SIMC1: variants seen among roughly 807,000 people sequenced by gnomAD.
The protein encoded by SIMC1 is SUMO interacting motifs containing 1.
SIMC1 carries 55 observed loss-of-function variants against 82.3 expected under a neutral mutation model. That is an observed-to-expected ratio of 0.67 (90% CI 0.54 to 0.84). The LOEUF is 0.84. SIMC1 is among the 40% of genes least tolerant of loss of function. The pLI is 0.00. For missense variants in SIMC1, 915 were observed against 1,107.2 expected (o/e 0.83, Z 2.46); for synonymous variants, 353 against 426.3 (o/e 0.83, Z 2.12).
intron 7 of SIMC1, among the ~76,000 whole-genome samples, chr5:176,330,044 A>G (rs556266555): frequency 6.6e-6 from 1 of 151,972 alleles, no homozygotes; most frequent in Non-Finnish European, 1.5e-5. Context: ...AAGCAATTAT[A>G]TCTTAGTAGC....
chr5:176,248,648 A>G (rs561139830), intron 1 of SIMC1, among the ~76,000 whole-genome samples: 1 of 152,250 alleles, frequency 6.6e-6, no homozygotes, highest in South Asian at 2.1e-4. Flanking sequence ...ACTATGTTGA[A>G]TGGAGTGGTG....
intron 7 of SIMC1, among the ~76,000 whole-genome samples, chr5:176,328,855 T>C (rs2113386262): frequency 6.6e-6 from 1 of 152,278 alleles, no homozygotes; most frequent in East Asian, 1.9e-4. Context: ...ATCCTGTTGG[T>C]AATTAATCAA....
intron 4 of SIMC1, among the ~76,000 whole-genome samples, chr5:176,304,141 T>C (rs1764166831): frequency 6.6e-6 from 1 of 152,124 alleles, no homozygotes; most frequent in African/African-American, 2.4e-5. Context: ...AGGCAGCTTA[T>C]GGGATGGGAG....
At chr5:176,342,076 A>G (rs1480786862) in intron 9 of SIMC1, among the ~76,000 whole-genome samples, 1 of 152,186 alleles carries the variant, frequency 6.6e-6, no homozygotes, top group Non-Finnish European at 1.5e-5. Flanking sequence ...AATAAACTCC[A>G]CATTCTTCTT....
intron 8 of SIMC1, 25 bp downstream of exon 8, chr5:176,336,901 A>G: frequency 6.2e-7 from 1 of 1,613,480 alleles, no homozygotes; most frequent in Non-Finnish European, 8.5e-7. Flanking sequence ...GCCCAATTTC[A>G]GGCCTAGAGC....
Position 176,290,300 on chromosome 5 carries a change from C to G in SIMC1, c.776C>G (p.Pro259Arg). 1.2e-6 allele frequency: 2 copies of G among 1,613,774 alleles called. No individual in the cohort carries two copies. Among genetic ancestry groups the G allele is most frequent in the Non-Finnish European group, 1.7e-6 (2 of 1,179,878 alleles). ...TCACAAACCATGCAGTGCCAACTACCAGCTCTAACTCACCCACCTCAAGAA... is the reference window on the plus strand; with the variant it reads ...TCACAAACCATGCAGTGCCAACTACGAGCTCTAACTCACCCACCTCAAGAA... The part of the protein sequence containing the change: ...CPSQTMQCQL[P>R]ALTHPPQEVP... Residue 259 changes from proline to arginine, a missense_variant, in exon 2 of 10, where the codon CCA becomes CGA. Pro to Arg is a moderately radical substitution (Grantham distance 103). Transcript: ENST00000429602.
At chr5:176,338,358 G>A (rs1765993500) in intron 9 of SIMC1, among the ~76,000 whole-genome samples, 1 of 152,126 alleles carries the variant, frequency 6.6e-6, no homozygotes, top group Non-Finnish European at 1.5e-5. Flanking sequence ...GGAGACGAGA[G>A]TTTTCCAGAA....
At chr5:176,255,885 G>A (rs1761838458) in intron 1 of SIMC1, among the ~76,000 whole-genome samples, 1 of 152,056 alleles carries the variant, frequency 6.6e-6, no homozygotes, top group African/African-American at 2.4e-5. Flanking sequence ...AGTTACAGAA[G>A]ATGAAAAAGT....
At chr5:176,306,455 C>T (rs1764394287) in intron 4 of SIMC1, among the ~76,000 whole-genome samples, 1 of 135,910 alleles carries the variant, frequency 7.4e-6, no homozygotes. Context: ...ACAATGGCGG[C>T]TTTGTGGAAT....
intron 5 of SIMC1, among the ~76,000 whole-genome samples, chr5:176,320,801 C>T (rs1765127406): frequency 6.6e-6 from 1 of 152,018 alleles, no homozygotes; most frequent in African/African-American, 2.4e-5. Flanking sequence ...CTGCTGCTGG[C>T]TTAGGATTCA....
intron 9 of SIMC1, among the ~76,000 whole-genome samples, chr5:176,339,313 A>G (rs1561736722): frequency 6.6e-6 from 1 of 152,118 alleles, no homozygotes; most frequent in Non-Finnish European, 1.5e-5. Context: ...GCAGTGAGCC[A>G]AGATCGTACC....
At chr5:176,251,325 A>C (rs1452429057) in intron 1 of SIMC1, among the ~76,000 whole-genome samples, 3 of 152,176 alleles carry the variant, frequency 2.0e-5, no homozygotes, top group Non-Finnish European at 2.9e-5. Flanking sequence ...GTGCCACTGC[A>C]CTCCAGCCTG....
intron 5 of SIMC1, among the ~76,000 whole-genome samples, chr5:176,317,356 A>G (rs575675492): frequency 6.6e-6 from 1 of 152,318 alleles, no homozygotes; most frequent in Admixed American, 6.5e-5. Context: ...AGTTTCTACA[A>G]GACTTCAGAA....
intron 4 of SIMC1, among the ~76,000 whole-genome samples, chr5:176,297,521 A>AAAAAAAAAAAAAT (rs1763871528): frequency 6.6e-6 from 1 of 151,626 alleles, no homozygotes; most frequent in African/African-American, 2.4e-5. Context: ...AAAAAAAAAA[A>AAAAAAAAAAAAAT]AAAAAACGTT....
At chr5:176,271,615 T>C (rs1275792122) in intron 1 of SIMC1, among the ~76,000 whole-genome samples, 1 of 151,478 alleles carries the variant, frequency 6.6e-6, no homozygotes, top group Non-Finnish European at 1.5e-5. Context: ...GGTTAATGGG[T>C]ACAAAAATAT....
chr5:176,324,645 C>T lies in SIMC1; in HGVS notation c.2059C>T (p.Gln687Ter), dbSNP rs1324227382. The change falls in exon 7 of 10, where the codon CAG (glutamine) becomes TAG (stop). Residue 687 changes from glutamine (Q) to a stop codon, truncating the protein, a stop_gained. Transcript: ENST00000429602. LOFTEE classifies it high-confidence loss of function. Reference sequence around the variant, plus strand: ...TGGACTCAGGATTGTGTGCCAGCTTCAGAGGATGCTCTCCATAGCCGTAGA... The same window carrying T: ...TGGACTCAGGATTGTGTGCCAGCTTTAGAGGATGCTCTCCATAGCCGTAGA... ...NTNQLIVCQL[Q>*]RMLSIAVEVD... 1 of 1,611,552 alleles carries T rather than the reference C, an allele frequency of 6.2e-7. No homozygotes were observed. Among genetic ancestry groups the T allele is most frequent in the Non-Finnish European group, 8.5e-7 (1 of 1,178,982 alleles).
chr5:176,312,637 G>A (rs1764715582), intron 4 of SIMC1, among the ~76,000 whole-genome samples: 1 of 151,262 alleles, frequency 6.6e-6, no homozygotes, highest in African/African-American at 2.4e-5. Context: ...AACACCTTTG[G>A]AAGACAAAGA....
chr5:176,259,944 G>A (rs1457863434), intron 1 of SIMC1, among the ~76,000 whole-genome samples: 1 of 150,846 alleles, frequency 6.6e-6, no homozygotes, highest in African/African-American at 2.4e-5. Context: ...ATGGGATCAT[G>A]CTAGCTTTTT....
At chr5:176,340,545 T>G (rs1371574487) in intron 9 of SIMC1, among the ~76,000 whole-genome samples, 1 of 152,224 alleles carries the variant, frequency 6.6e-6, no homozygotes, top group African/African-American at 2.4e-5. Flanking sequence ...CAAGGAGCCC[T>G]GTCCACGGAC....
Sources: gnomAD v4.1 joint callset for allele counts (sites outside exome capture counted in the v4.1 genomes callset) on GRCh38, gnomAD v4.1.1 for gene constraint, MANE v1.5 for transcripts, NCBI Gene and HGNC (gene_info 2026-07-23, HGNC 2026-07-21) for gene names.